PTPRM: variants seen among roughly 807,000 people sequenced by gnomAD.
PTPRM encodes the protein receptor-type tyrosine-protein phosphatase mu.
A neutral mutation model predicts 186.7 loss-of-function variants in PTPRM; 47 were observed. The observed-to-expected ratio is 0.25, with a 90% CI of 0.20 to 0.32. The LOEUF (loss-of-function observed/expected upper bound fraction) is 0.32, where lower values mean the gene tolerates loss of function less well. Ranked by LOEUF, PTPRM falls within the 10% of genes least tolerant of loss-of-function variation. PTPRM has a pLI of 1.00. For missense variants in PTPRM, 1,494 were observed against 1,865.0 expected (o/e 0.80, Z 3.66); for synonymous variants, 668 against 674.9 (o/e 0.99, Z 0.16).
intron 24 of PTPRM, among the ~76,000 whole-genome samples, chr18:8,373,461 G>A (rs1321131473): frequency 2.0e-5 from 3 of 152,176 alleles, no homozygotes; most frequent in African/African-American, 7.2e-5. Context: ...CAGAGTGTCA[G>A]AAGGAAGACA....
chr18:8,222,214 G>C (rs371231055), intron 14 of PTPRM, among the ~76,000 whole-genome samples: 8 of 152,228 alleles, frequency 5.3e-5, no homozygotes, highest in East Asian at 3.9e-4. Context: ...GCCAGATTTT[G>C]GTTGATTTAA....
intron 2 of PTPRM, among the ~76,000 whole-genome samples, chr18:7,844,550 A>T (rs531690613): frequency 6.6e-6 from 1 of 152,288 alleles, no homozygotes; most frequent in African/African-American, 2.4e-5. Flanking sequence ...GAAGGGTGGA[A>T]ACAGAAGGCA....
At chr18:8,004,791 A>G (rs2084079725) in intron 7 of PTPRM, among the ~76,000 whole-genome samples, 1 of 152,198 alleles carries the variant, frequency 6.6e-6, no homozygotes, top group East Asian at 1.9e-4. Context: ...GGCTCGTGCC[A>G]CAAGTTGGAA....
At chr18:8,006,053 G>A (rs2084167587) in intron 7 of PTPRM, among the ~76,000 whole-genome samples, 1 of 152,154 alleles carries the variant, frequency 6.6e-6, no homozygotes, top group Non-Finnish European at 1.5e-5. Context: ...TGATGCTGCT[G>A]GAGCCCTTGT....
intron 14 of PTPRM, among the ~76,000 whole-genome samples, chr18:8,185,415 T>C (rs1196210184): frequency 6.6e-6 from 1 of 152,226 alleles, no homozygotes; most frequent in Non-Finnish European, 1.5e-5. Flanking sequence ...CTGATCACCT[T>C]GCTCGGGGTC....
At chr18:7,721,264 G>GTA (rs2040441596) in intron 1 of PTPRM, among the ~76,000 whole-genome samples, 1 of 150,420 alleles carries the variant, frequency 6.6e-6, no homozygotes, top group Non-Finnish European at 1.5e-5. Context: ...TTGGCCATTT[G>GTA]TATATCTTCT....
chr18:7,772,711 G>A (rs2042386810), intron 1 of PTPRM, among the ~76,000 whole-genome samples: 1 of 152,046 alleles, frequency 6.6e-6, no homozygotes, highest in Non-Finnish European at 1.5e-5. Context: ...TGGACCAGGT[G>A]ACCTCTAACA....
chr18:7,848,204 C>T (rs941671740), intron 2 of PTPRM, among the ~76,000 whole-genome samples: 1 of 152,108 alleles, frequency 6.6e-6, no homozygotes, highest in African/African-American at 2.4e-5. Context: ...GTCTGCTGGA[C>T]TGAAATCATA....
chr18:7,770,608 C>T (rs908046376), intron 1 of PTPRM, among the ~76,000 whole-genome samples: 1 of 152,182 alleles, frequency 6.6e-6, no homozygotes, highest in Non-Finnish European at 1.5e-5. Context: ...CATAAAGAAT[C>T]TAGACTTGGG....
chr18:7,740,087 T>C (rs2040857354), intron 1 of PTPRM, among the ~76,000 whole-genome samples: 1 of 152,240 alleles, frequency 6.6e-6, no homozygotes, highest in African/African-American at 2.4e-5. Context: ...GGGGACTGTA[T>C]GGAACAGTAC....
At chr18:7,836,202 G>A (rs2046040043) in intron 2 of PTPRM, among the ~76,000 whole-genome samples, 1 of 152,046 alleles carries the variant, frequency 6.6e-6, no homozygotes, top group South Asian at 2.1e-4. Flanking sequence ...TTTTAGTGAA[G>A]TTGATTTTCT....
chr18:7,607,749 G>A (rs912167187), intron 1 of PTPRM, among the ~76,000 whole-genome samples: 1 of 152,178 alleles, frequency 6.6e-6, no homozygotes, highest in African/African-American at 2.4e-5. Context: ...CCTAAAATAA[G>A]TGTCCTGGAT....
chr18:8,341,483 A>G (rs2095474436), intron 22 of PTPRM, among the ~76,000 whole-genome samples: 1 of 152,138 alleles, frequency 6.6e-6, no homozygotes, highest in South Asian at 2.1e-4. Context: ...AATATGCTGG[A>G]GGCAGAATGG....
At chr18:7,797,860 T>C (rs1261040313) in intron 2 of PTPRM, among the ~76,000 whole-genome samples, 2 of 152,240 alleles carry the variant, frequency 1.3e-5, no homozygotes, top group African/African-American at 2.4e-5. Flanking sequence ...CTGCAGCTGC[T>C]GCTGCCAGCA....
chr18:7,778,011 A>G (rs1194044777), intron 2 of PTPRM, among the ~76,000 whole-genome samples: 1 of 152,212 alleles, frequency 6.6e-6, no homozygotes, highest in African/African-American at 2.4e-5. Context: ...ATTCATCAAG[A>G]TGAATTTAAA....
At chr18:8,063,756 A>T (rs1361582031) in intron 7 of PTPRM, among the ~76,000 whole-genome samples, 2 of 152,214 alleles carry the variant, frequency 1.3e-5, no homozygotes, top group South Asian at 2.1e-4. Flanking sequence ...ACTTAAAAAA[A>T]TTCTCAAAAT....
In PTPRM at chr18:7,748,168, G is replaced by A. The variant is rs532527609; in HGVS notation, c.74-25981G>A. 3.3e-5 allele frequency among the ~76,000 whole-genome samples: 5 copies of A among 152,334 alleles called. No homozygotes were observed. In the East Asian group the frequency reaches 9.6e-4, roughly 29 times the overall value. On this transcript the variant is annotated intron_variant, in intron 1 of 32. Transcript: ENST00000580170. ...ACTGTCCAGGAGAACTTTCTGTGAT[G>A]ATGGAATTGTCTGGTACAGTAGCCA...
At chr18:7,772,262 T>TTCTTTTCTTC (rs1223769814) in intron 1 of PTPRM, among the ~76,000 whole-genome samples, 2 of 151,406 alleles carry the variant, frequency 1.3e-5, no homozygotes, top group African/African-American at 2.4e-5. Context: ...TTCTTTTCTT[T>TTCTTTTCTTC]TCTTTTCTTT....
intron 4 of PTPRM, among the ~76,000 whole-genome samples, chr18:7,917,725 G>A (rs2050643205): frequency 6.6e-6 from 1 of 152,032 alleles, no homozygotes; most frequent in Non-Finnish European, 1.5e-5. Context: ...GAAATATACA[G>A]TAGATTTTGC....
Sources: allele counts gnomAD v4.1 joint callset (sites outside exome capture counted in the v4.1 genomes callset), GRCh38; gene constraint gnomAD v4.1.1; transcripts MANE v1.5; gene names NCBI Gene and HGNC (gene_info 2026-07-23, HGNC 2026-07-21).